ZFHX3: variants seen among roughly 807,000 people sequenced by gnomAD.
ZFHX3 encodes the protein zinc finger homeobox 3, also known as zinc finger homeobox protein 3.
In ZFHX3, 42 loss-of-function variants were observed where a neutral mutation model predicts 279.1. The observed-to-expected ratio is 0.15, with a 90% CI of 0.12 to 0.19. ZFHX3 has a LOEUF of 0.19. ZFHX3 is among the 10% of genes least tolerant of loss of function. ZFHX3 has a pLI of 1.00. For synonymous variants in ZFHX3, 2,293 were observed against 1,957.8 expected, an observed-to-expected ratio of 1.17 and a Z score of -4.52; for missense variants, 4,981 against 4,754.0, an observed-to-expected ratio of 1.05 and a Z score of -1.40.
rs192691384 is a variant in ZFHX3, at chr16:73,832,407, A to G, written c.-1608+59244T>C. Among the ~76,000 whole-genome samples, 5 of 152,312 alleles carry G rather than the reference A, an allele frequency of 3.3e-5. No homozygotes were observed. The East Asian group carries it at 9.6e-4, about 29-fold the overall frequency. ...CACCTAGTAGCTTAAGAAACAGTACAAAGACCCGTTCCTTAAGACTAGGGA... is the reference window on the plus strand; with the variant it reads ...CACCTAGTAGCTTAAGAAACAGTACGAAGACCCGTTCCTTAAGACTAGGGA... On this transcript the variant is annotated intron_variant, in intron 1 of 17. Transcript: ENST00000641206.
At chr16:72,964,393 G>C (rs1597026986) in intron 1 of ZFHX3, among the ~76,000 whole-genome samples, 1 of 152,168 alleles carries the variant, frequency 6.6e-6, no homozygotes, top group Admixed American at 6.5e-5. Flanking sequence ...ATGGGAAAAT[G>C]ATCATACAGA....
At chr16:72,877,490 G>A (rs1036923041) in intron 4 of ZFHX3, among the ~76,000 whole-genome samples, 5 of 152,186 alleles carry the variant, frequency 3.3e-5, no homozygotes, top group Admixed American at 1.3e-4. Context: ...AGTGTCCAGC[G>A]TAGGAGGAGA....
At position 73,176,868 on chromosome 16, in the gene ZFHX3, A is replaced by AT. The variant is rs1236834751; in HGVS notation, c.-1103-33038dup. Among the ~76,000 whole-genome samples the AT allele has an allele frequency of 5.3e-5, 8 of 152,062 alleles. No homozygotes were observed. The East Asian group carries it at 1.2e-3, about 22-fold the overall frequency. ...CAAGCACAAGGCTTGCATCAGAGCA[A>AT]TTTTTTTCATCCACAGAATAAGCAT... On this transcript the variant is annotated intron_variant, in intron 5 of 17. Transcript: ENST00000641206.
chr16:73,037,368 A>C (rs768352053), intron 1 of ZFHX3, among the ~76,000 whole-genome samples: 25 of 152,200 alleles, frequency 1.6e-4, no homozygotes, highest in Non-Finnish European at 2.9e-4. Flanking sequence ...GAAATGTCCC[A>C]CTGAGTGACA....
intron 6 of ZFHX3, among the ~76,000 whole-genome samples, chr16:73,138,653 G>T (rs899890799): frequency 2.0e-5 from 3 of 152,102 alleles, no homozygotes; most frequent in Non-Finnish European, 4.4e-5. Flanking sequence ...GGACTCTTCA[G>T]CTTGGCTAGT....
chr16:73,767,102 A>AT (rs1305063148), intron 1 of ZFHX3, among the ~76,000 whole-genome samples: 1 of 151,814 alleles, frequency 6.6e-6, no homozygotes, highest in Non-Finnish European at 1.5e-5. Context: ...CGCCTGGCTC[A>AT]TTTTTTGTAT....
chr16:73,068,948 C>T (rs1567656578), intron 8 of ZFHX3, among the ~76,000 whole-genome samples: 1 of 152,236 alleles, frequency 6.6e-6, no homozygotes, highest in Non-Finnish European at 1.5e-5. Flanking sequence ...CTCTGGCCTC[C>T]ATGCGCACTG....
At chr16:73,429,642 G>A (rs1226575537) in intron 3 of ZFHX3, among the ~76,000 whole-genome samples, 4 of 151,886 alleles carry the variant, frequency 2.6e-5, no homozygotes, top group African/African-American at 7.3e-5. Context: ...CAAGACCTTC[G>A]GATTTTTTTA....
In ZFHX3 at chr16:73,856,393, A is replaced by G. The variant is rs577760577; in HGVS notation, c.-1608+35258T>C. ...TAACAGTTCTATGGTATTCAAACTT[A>G]ACTCCTTTAAACAACATCTACTCCC... On this transcript the variant is annotated intron_variant, in intron 1 of 17. Coordinates refer to the ZFHX3 transcript ENST00000641206. 1.5e-4 allele frequency among the ~76,000 whole-genome samples: 23 copies of G among 152,310 alleles called. 1 individual carries two copies. The highest frequency in any genetic ancestry group is 5.1e-4 in the African/African-American group (21 of 41,568).
At chr16:73,459,342 A>G (rs1251511179) in intron 2 of ZFHX3, among the ~76,000 whole-genome samples, 2 of 152,222 alleles carry the variant, frequency 1.3e-5, no homozygotes, top group African/African-American at 2.4e-5. Context: ...TTTATAAAGG[A>G]AAGAGGTTGT....
Position 72,787,858 on chromosome 16 carries a change from C to T in ZFHX3, c.10418G>A (p.Gly3473Asp), listed in dbSNP as rs200831238. The T allele has an allele frequency of 6.2e-6, 10 of 1,614,002 alleles. No homozygotes were observed. In the African/African-American group the frequency reaches 9.3e-5, roughly 15 times the overall value. ...YKLVCRKCQAGFSDEEAARSH... is the reference protein window; with the variant it reads ...YKLVCRKCQADFSDEEAARSH... The stretch of plus-strand genomic sequence containing the variant: ...CCTCGCTGCCTCCTCGTCGCTGAAG[C>T]CCGCCTGGCACTTGCGGCAGACCAA... Residue 3473 changes from glycine (G) to aspartate (D), a missense_variant, in exon 10 of 10, where the codon GGC becomes GAC. This residue lies in a region of ZFHX3 where 1,034 missense variants were observed against 786.0 expected (regional missense o/e 1.32). Transcript: ENST00000268489.
At chr16:73,670,122 G>A (rs542917521) in intron 2 of ZFHX3, among the ~76,000 whole-genome samples, 13 of 152,124 alleles carry the variant, frequency 8.5e-5, no homozygotes, top group African/African-American at 2.2e-4. Context: ...GGTTTCCCTC[G>A]CAGACCAACA....
intron 2 of ZFHX3, among the ~76,000 whole-genome samples, chr16:73,559,628 G>T (rs2020340409): frequency 6.6e-6 from 1 of 152,282 alleles, no homozygotes; most frequent in African/African-American, 2.4e-5. Flanking sequence ...ATGGGTATCT[G>T]CCCTTTCACA....
intron 2 of ZFHX3, among the ~76,000 whole-genome samples, chr16:73,674,203 G>T (rs1356979741): frequency 6.6e-6 from 1 of 152,162 alleles, no homozygotes; most frequent in East Asian, 1.9e-4. Context: ...ACAGAAAAGT[G>T]TAAAATAGAC....
rs550550461 is a variant in ZFHX3, at chr16:72,816,725, C to G, written c.3530-4687G>C. Among the ~76,000 whole-genome samples, 3 of 152,296 alleles carry G rather than the reference C, an allele frequency of 2.0e-5. No individual in the cohort carries two copies. In the East Asian group the frequency reaches 5.8e-4, roughly 29 times the overall value. Reference sequence around the variant, plus strand: ...GTTGGCCAACTAAAACTCACAAAGACAAATACTGAGAGAAACAAACCTGTT... The same window carrying G: ...GTTGGCCAACTAAAACTCACAAAGAGAAATACTGAGAGAAACAAACCTGTT... On this transcript the variant is annotated intron_variant, in intron 5 of 9. Transcript: ENST00000268489.
At chr16:72,953,602 C>CTT (rs75079529) in intron 2 of ZFHX3, among the ~76,000 whole-genome samples, 1 of 151,382 alleles carries the variant, frequency 6.6e-6, no homozygotes. Flanking sequence ...ACTTTAAGCT[C>CTT]TTTTTTTTTC....
At chr16:73,019,327 C>CGT (rs3081631) in intron 1 of ZFHX3, among the ~76,000 whole-genome samples, 1 of 148,750 alleles carries the variant, frequency 6.7e-6, no homozygotes, top group Admixed American at 6.8e-5. Flanking sequence ...CCAGCGTGTG[C>CGT]GTGTGTGTGT....
In ZFHX3 at chr16:72,978,913, G is replaced by C. The variant is rs76656674; in HGVS notation, c.-49-18719C>G. Reference sequence around the variant, plus strand: ...CTGTGCTAGGTGCTTACCATGCCCAGACTCTGGTCCTCACCTAACCCTCTA... The same window carrying C: ...CTGTGCTAGGTGCTTACCATGCCCACACTCTGGTCCTCACCTAACCCTCTA... On this transcript the variant is annotated intron_variant, in intron 1 of 9. Transcript: ENST00000268489. Among the ~76,000 whole-genome samples the C allele has an allele frequency of 8.2e-4, 125 of 152,328 alleles. 2 individuals are homozygous for C. The East Asian group carries it at 0.023, about 28-fold the overall frequency.
rs147272736 is a variant in ZFHX3 at position 73,094,805 on chromosome 16, G to A, written c.-896-1207C>T. Among the ~76,000 whole-genome samples the A allele has an allele frequency of 3.3e-5, 5 of 152,250 alleles. No homozygotes were observed. The East Asian group carries it at 9.7e-4, about 29-fold the overall frequency. On this transcript the variant is annotated intron_variant, in intron 7 of 17. Coordinates refer to the ZFHX3 transcript ENST00000641206. ...ACTCACTGCAGCCTCCACCTTCTGGGTTCAAGTGATTCTCCTGCTTCAGCC... is the reference window on the plus strand; with the variant it reads ...ACTCACTGCAGCCTCCACCTTCTGGATTCAAGTGATTCTCCTGCTTCAGCC...
Sources: allele counts gnomAD v4.1 joint callset (sites outside exome capture counted in the v4.1 genomes callset), GRCh38; gene constraint gnomAD v4.1.1; regional missense constraint gnomAD v4.1.1; transcripts MANE v1.5; gene names NCBI Gene and HGNC (gene_info 2026-07-23, HGNC 2026-07-21).